The following PYM1 variants were observed in gnomAD, a reference collection of about 807,000 sequenced individuals.
PYM1 encodes partner of Y14 and mago.
In PYM1, 7 loss-of-function variants were observed where a neutral mutation model predicts 20.7. That is an observed-to-expected ratio of 0.34 (90% CI 0.19 to 0.64). The LOEUF is 0.64. Ranked by LOEUF, PYM1 falls within the 30% of genes least tolerant of loss-of-function variation. PYM1 has a pLI of 0.74. For synonymous variants in PYM1, 100 were observed against 99.2 expected, an observed-to-expected ratio of 1.01 and a Z score of -0.05; for missense variants, 194 against 250.0, an observed-to-expected ratio of 0.78 and a Z score of 1.51.
chr12:55,916,100 C>T (rs1350892074), intron 1 of PYM1, among the ~76,000 whole-genome samples: 1 of 151,004 alleles, frequency 6.6e-6, no homozygotes, highest in African/African-American at 2.4e-5. Context: ...TTTGGGAGGC[C>T]AAGGCGGGCG....
chr12:55,902,198 T>TCTTCTCCTTTCG lies in PYM1; in HGVS notation c.277_288dup (p.Lys94_Arg97dup), dbSNP rs761109472. ...TCTCCTTTCTCTTGCTGCTGCCGCC[T>TCTTCTCCTTTCG]CTTCTCCTTTCGCTTCAGGTTACGT... is the stretch of plus-strand genomic sequence containing the variant. On this transcript the variant is annotated inframe_insertion, in exon 3 of 3. Coordinates refer to ENST00000408946, the MANE Select transcript of PYM1 (RefSeq NM_032345.3). 6.2e-7 allele frequency: 1 copy of TCTTCTCCTTTCG among 1,614,020 alleles called. No homozygotes were observed.
chr12:55,920,768 A>G (rs1052389206), intron 1 of PYM1, among the ~76,000 whole-genome samples: 1 of 152,212 alleles, frequency 6.6e-6, no homozygotes, highest in Non-Finnish European at 1.5e-5. Flanking sequence ...AACAGAAGAA[A>G]GTAAGATAGG....
intron 1 of PYM1, among the ~76,000 whole-genome samples, chr12:55,910,771 T>C (rs1485801360): frequency 1.3e-5 from 2 of 152,166 alleles, no homozygotes; most frequent in Admixed American, 1.3e-4. Context: ...GCATGAGACA[T>C]CACTCAAATA....
chr12:55,911,107 T>C (rs1409936900), intron 1 of PYM1, among the ~76,000 whole-genome samples: 1 of 151,886 alleles, frequency 6.6e-6, no homozygotes, highest in African/African-American at 2.4e-5. Flanking sequence ...CAGAATTTTA[T>C]TTATTTATTT....
At chr12:55,917,974 C>CA (rs1883036163) in intron 1 of PYM1, among the ~76,000 whole-genome samples, 1 of 150,694 alleles carries the variant, frequency 6.6e-6, no homozygotes, top group Non-Finnish European at 1.5e-5. Context: ...AACAAACAAA[C>CA]AAACAAAAAA....
At chr12:55,920,130 C>T (rs955897166) in intron 1 of PYM1, among the ~76,000 whole-genome samples, 5 of 151,410 alleles carry the variant, frequency 3.3e-5, no homozygotes, top group African/African-American at 9.7e-5. Flanking sequence ...TTGACCCCAA[C>T]AGTTAAGACT....
intron 1 of PYM1, among the ~76,000 whole-genome samples, chr12:55,925,775 A>G (rs950903257): frequency 6.6e-6 from 1 of 152,222 alleles, no homozygotes. Flanking sequence ...TGACAAGGTA[A>G]GGTAAGATGT....
intron 1 of PYM1, chr12:55,914,222 A>G: frequency 1.4e-6 from 1 of 690,492 alleles, no homozygotes; most frequent in Non-Finnish European, 2.7e-6. Context: ...TTGAATGGCC[A>G]TCCTGTGTGG....
intron 1 of PYM1, among the ~76,000 whole-genome samples, chr12:55,923,992 C>T (rs1290733070): frequency 2.0e-5 from 3 of 151,868 alleles, no homozygotes; most frequent in East Asian, 3.9e-4. Context: ...AGAAGAATCA[C>T]TTGAACCAGG....
chr12:55,904,578 GGAGT>G (rs1882755356), intron 1 of PYM1, among the ~76,000 whole-genome samples: 1 of 129,736 alleles, frequency 7.7e-6, no homozygotes, highest in Non-Finnish European at 1.6e-5. Context: ...CCTGGGCAAC[GGAGT>G]GAGACTCCAT....
chr12:55,914,161 G>T, intron 1 of PYM1: 1 of 606,664 alleles, frequency 1.6e-6, no homozygotes, highest in South Asian at 2.0e-5. Flanking sequence ...TATAGCTGAA[G>T]GTTTAGGAGG....
In PYM1 at chr12:55,914,139, T is replaced by C. The variant is rs371159044; in HGVS notation, c.38-10659A>G. The C allele has an allele frequency of 3.8e-4, 201 of 526,210 alleles. 1 individual carries two copies. Among genetic ancestry groups the C allele is most frequent in the East Asian group, 3.7e-3 (127 of 34,634 alleles). 32.6% of individuals were successfully genotyped at this position (526,210 alleles called of 1,614,324 possible). ...TACTACAAACATATATTTAAGTTGA[T>C]TGCATAGAGATTATAGCTGAAGGTT... is the stretch of plus-strand genomic sequence containing the variant. On this transcript the variant is annotated intron_variant, in intron 1 of 2. Transcript: ENST00000408946.
intron 1 of PYM1, among the ~76,000 whole-genome samples, chr12:55,918,506 G>A (rs552525135): frequency 1.8e-4 from 27 of 152,304 alleles, no homozygotes; most frequent in African/African-American, 6.0e-4. Flanking sequence ...GCTGACGTAG[G>A]AGGATCACTT....
Position 55,902,209 on chromosome 12 carries a change from C to T in PYM1, c.278G>A (p.Arg93Gln), listed in dbSNP as rs1417564532. 1.7e-5 allele frequency: 28 copies of T among 1,613,996 alleles called. No homozygotes were observed. The highest frequency in any genetic ancestry group is 2.1e-5 in the Non-Finnish European group (25 of 1,180,040). The change falls in exon 3 of 3, where the codon CGA becomes CAA. Residue 93 changes from arginine (R) to glutamine (Q), a missense_variant. Arg to Gln is a conservative substitution (Grantham distance 43). Around this residue, in one of 3 missense-constraint regions of PYM1, gnomAD observed 158 missense variants for 179.0 expected, o/e 0.88. Transcript: ENST00000408946. ...LSKTAKRNLK[R>Q]KEKRRQQQEK... ...TTGCTGCTGCCGCCTCTTCTCCTTTCGCTTCAGGTTACGTTTGGCTGTCTT... is the reference window on the plus strand; with the variant it reads ...TTGCTGCTGCCGCCTCTTCTCCTTTTGCTTCAGGTTACGTTTGGCTGTCTT...
chr12:55,923,821 T>C (rs1198121337), intron 1 of PYM1, among the ~76,000 whole-genome samples: 1 of 152,118 alleles, frequency 6.6e-6, no homozygotes, highest in Non-Finnish European at 1.5e-5. Context: ...CTCATGCCTG[T>C]AATCCCAGCA....
chr12:55,914,974 G>A (rs1882980844), intron 1 of PYM1, among the ~76,000 whole-genome samples: 1 of 152,072 alleles, frequency 6.6e-6, no homozygotes, highest in Admixed American at 6.6e-5. Flanking sequence ...CCAGCACTTT[G>A]GGAGGCCGAG....
At chr12:55,910,260 T>C (rs1882897358) in intron 1 of PYM1, among the ~76,000 whole-genome samples, 1 of 4,118 alleles carries the variant, frequency 2.4e-4, no homozygotes. Context: ...TACATATATA[T>C]ATATATATAT....
intron 1 of PYM1, among the ~76,000 whole-genome samples, chr12:55,912,128 C>G (rs1882934448): frequency 6.6e-6 from 1 of 151,720 alleles, no homozygotes; most frequent in South Asian, 2.1e-4. Flanking sequence ...GCAGGTGGGT[C>G]ACCTGAGGTC....
At chr12:55,903,596 C>T (rs1187004640) in intron 1 of PYM1, 116 bp from the exon 2 acceptor site, 13 of 875,434 alleles carry the variant, frequency 1.5e-5, no homozygotes, top group Admixed American at 1.2e-4. Context: ...CCAAATGCAA[C>T]CATTAGGCTC....
Sources: gnomAD v4.1 joint callset for allele counts (sites outside exome capture counted in the v4.1 genomes callset) on GRCh38, gnomAD v4.1.1 for gene constraint, gnomAD v4.1.1 regional missense constraint, MANE v1.5 for transcripts, NCBI Gene and HGNC (gene_info 2026-07-23, HGNC 2026-07-21) for gene names.